Variants in MAP4K1 observed in about 807,000 individuals in gnomAD.
The protein encoded by MAP4K1 is mitogen-activated protein kinase kinase kinase kinase 1.
MAP4K1 carries 35 observed loss-of-function variants against 122.8 expected under a neutral mutation model. The observed-to-expected ratio is 0.29, with a 90% CI of 0.22 to 0.38. The LOEUF (loss-of-function observed/expected upper bound fraction) is 0.38, where lower values mean the gene tolerates loss of function less well. Among genes scored for constraint, MAP4K1 ranks in the 10% least tolerant of loss-of-function variants. The pLI, the probability that MAP4K1 is intolerant of heterozygous loss-of-function variation, is 1.00. For missense variants in MAP4K1, 791 were observed against 1,072.6 expected (o/e 0.74, Z 3.67); for synonymous variants, 412 against 421.3 (o/e 0.98, Z 0.27).
At chr19:38,588,460 G>C (rs1974595148) in intron 30 of MAP4K1, among the ~76,000 whole-genome samples, 2 of 152,058 alleles carry the variant, frequency 1.3e-5, no homozygotes, top group Admixed American at 1.3e-4. Flanking sequence ...GGAGGCCAAG[G>C]GGGGCAGATC....
At chr19:38,588,184 G>A (rs1568616484) in intron 30 of MAP4K1, among the ~76,000 whole-genome samples, 1 of 152,204 alleles carries the variant, frequency 6.6e-6, no homozygotes, top group Non-Finnish European at 1.5e-5. Flanking sequence ...TGAGGTGGGA[G>A]AAAGGCTGGG....
chr19:38,590,716 C>T (rs1428765984), intron 30 of MAP4K1, among the ~76,000 whole-genome samples: 1 of 151,712 alleles, frequency 6.6e-6, no homozygotes, highest in Non-Finnish European at 1.5e-5. Flanking sequence ...CTCAGGTAAT[C>T]TGCCCACTTC....
chr19:38,591,506 C>A (rs1599686865), intron 30 of MAP4K1, among the ~76,000 whole-genome samples: 1 of 138,030 alleles, frequency 7.2e-6, no homozygotes. Flanking sequence ...CAGCCTGGGC[C>A]ACACAGCAAG....
rs146342040 is a variant in MAP4K1 at position 38,609,994 on chromosome 19, C to T, written c.842G>A (p.Arg281Gln). ...HQLVSQPGLN[R>Q]GLILDLLDKL... ...GTCAAGAAGATCCAGGATCAGGCCT[C>T]GATTCAGCCCAGGCTGGGATACCAG... Residue 281 changes from arginine (R) to glutamine (Q), a missense_variant, in exon 12 of 31, where the codon CGA becomes CAA. By Grantham distance (43) the Arg-to-Gln change is conservative (BLOSUM62 1). Transcript: ENST00000396857. 4.2e-5 allele frequency: 68 copies of T among 1,614,140 alleles called. No individual in the cohort carries two copies. In the East Asian group the frequency reaches 1.3e-3, roughly 32 times the overall value.
At chr19:38,612,094 A>AT (rs1449087912) in intron 9 of MAP4K1, among the ~76,000 whole-genome samples, 1 of 144,334 alleles carries the variant, frequency 6.9e-6, no homozygotes, top group Non-Finnish European at 1.5e-5. Context: ...GTGGGACTCC[A>AT]TCTCAAAAAT....
Position 38,612,703 on chromosome 19 carries a change from T to C in MAP4K1, c.573A>G (p.Gly191=), listed in dbSNP as rs752606240. 3.7e-6 allele frequency: 6 copies of C among 1,613,758 alleles called. No homozygotes were observed. The highest frequency in any genetic ancestry group is 2.2e-5 in the East Asian group (1 of 44,854). The change falls in exon 9 of 31, where the codon GGA becomes GGG. Residue 191 remains glycine (G), a synonymous_variant. Transcript: ENST00000396857. Reference sequence around the variant, plus strand: ...ACCAGATGTCACACAGCTCATTGTATCCTCCCTTCAGGGCCACAGCTGCCA... The same window carrying C: ...ACCAGATGTCACACAGCTCATTGTACCCTCCCTTCAGGGCCACAGCTGCCA... ...PEVAAVALKG[G]YNELCDIWSL...
chr19:38,609,851 G>A, intron 12 of MAP4K1, 58 bp downstream of exon 12: 2 of 1,492,372 alleles, frequency 1.3e-6, no homozygotes. Context: ...GCTGGCAGCA[G>A]GCACAGCCTG....
intron 6 of MAP4K1, 31 bp downstream of exon 6, chr19:38,614,214 C>A (rs753964682): frequency 1.9e-6 from 3 of 1,613,106 alleles, no homozygotes; most frequent in Non-Finnish European, 2.5e-6. Flanking sequence ...GGGCCCCACC[C>A]CCCAACAGCA....
At chr19:38,593,361 C>T (rs1568621458) in intron 29 of MAP4K1, 24 bp from the exon 30 acceptor site, 3 of 1,594,282 alleles carry the variant, frequency 1.9e-6, no homozygotes. Context: ...GTGTGTGTCT[C>T]AGTGCCTGGA....
chr19:38,589,284 C>A, intron 30 of MAP4K1: 1 of 262,296 alleles, frequency 3.8e-6, no homozygotes, highest in South Asian at 3.2e-5. Context: ...GCCTGGGGGA[C>A]AGAGTGAGAC....
chr19:38,609,753 C>G, intron 12 of MAP4K1, 79 bp from the exon 13 acceptor site: 1 of 1,392,038 alleles, frequency 7.2e-7, no homozygotes. Flanking sequence ...TCTGCTCTCT[C>G]CTGTAACCCT....
chr19:38,599,815 T>G, intron 22 of MAP4K1, 110 bp downstream of exon 22: 1 of 1,006,608 alleles, frequency 9.9e-7, no homozygotes, highest in South Asian at 1.3e-5. Flanking sequence ...TAGGACTTTG[T>G]GACCAAGCAG....
intron 11 of MAP4K1, among the ~76,000 whole-genome samples, chr19:38,610,331 G>A (rs1041538848): frequency 7.4e-5 from 11 of 148,680 alleles, no homozygotes; most frequent in Admixed American, 2.0e-4. Context: ...TCAGCCTCCC[G>A]AGTGGCTGTG....
At chr19:38,595,397 C>CT (rs1426995065) in intron 29 of MAP4K1, 88 bp downstream of exon 29, 13 of 1,360,658 alleles carry the variant, frequency 9.6e-6, no homozygotes, top group Non-Finnish European at 1.4e-5. Flanking sequence ...ACTTCACACT[C>CT]TGACTCAGGA....
intron 13 of MAP4K1, among the ~76,000 whole-genome samples, chr19:38,608,560 G>T (rs1975397959): frequency 6.6e-6 from 1 of 151,992 alleles, no homozygotes; most frequent in Non-Finnish European, 1.5e-5. Flanking sequence ...ACTTTGGGAG[G>T]TGAGGCAGGC....
At chr19:38,587,873 A>G (rs985579261) in intron 30 of MAP4K1, 56 bp from the exon 31 acceptor site, 4 of 1,354,486 alleles carry the variant, frequency 3.0e-6, no homozygotes, top group Non-Finnish European at 4.2e-6. Flanking sequence ...TCATTGATTC[A>G]TTAATTCACA....
chr19:38,595,394 ACT>A (rs1378003654), intron 29 of MAP4K1, 89 bp downstream of exon 29: 1 of 1,310,560 alleles, frequency 7.6e-7, no homozygotes, highest in East Asian at 2.3e-5. Flanking sequence ...AGGACTTCAC[ACT>A]CTGACTCAGG....
intron 13 of MAP4K1, among the ~76,000 whole-genome samples, chr19:38,608,571 A>G (rs529227765): frequency 8.2e-4 from 124 of 152,118 alleles, no homozygotes; most frequent in African/African-American, 2.8e-3. Context: ...TGAGGCAGGC[A>G]GATCACCTGA....
Position 38,609,804 on chromosome 19 carries a change from CCT to C in MAP4K1, c.927+103_927+104del, listed in dbSNP as rs1262553582. On this transcript the variant is annotated intron_variant, in intron 12 of 30. Coordinates refer to ENST00000396857, the MANE Select transcript of MAP4K1 (RefSeq NM_001042600.3). ...TTTACCAAGCTCCCCATCCTCCCTC[CCT>C]GTTTTCCCCCTAAGAGAGGCAGCAG... The C allele has an allele frequency of 3.8e-5, 50 of 1,307,292 alleles. No homozygotes were observed. The Admixed American group carries it at 6.2e-4, about 16-fold the overall frequency. The allele number at this position is 1,307,292 out of a possible 1,614,324, so 81.0% of individuals were successfully genotyped here. A position where few individuals can be genotyped will look rare whatever the true frequency, so the allele number is the denominator to read the frequency against.
Sources: gnomAD v4.1 joint callset for allele counts (sites outside exome capture counted in the v4.1 genomes callset) on GRCh38, gnomAD v4.1.1 for gene constraint, MANE v1.5 for transcripts, NCBI Gene and HGNC (gene_info 2026-07-23, HGNC 2026-07-21) for gene names.